Variants in H2BC4 observed in about 807,000 individuals in gnomAD.
The protein encoded by H2BC4 is H2B clustered histone 4.
A neutral mutation model predicts 6.2 loss-of-function variants in H2BC4; 10 were observed. The observed-to-expected ratio is 1.61, with a 90% CI of 0.99 to 2.73. H2BC4 has a LOEUF of 2.73. Ranked by LOEUF, H2BC4 falls within the 30% of genes most tolerant of loss-of-function variation. The pLI is 0.00. For missense variants in H2BC4, 176 were observed against 168.7 expected, an observed-to-expected ratio of 1.04 and a Z score of -0.24; for synonymous variants, 146 against 70.7, an observed-to-expected ratio of 2.07 and a Z score of -5.35.
chr6:26,119,691 T>C (rs747187483), downstream of H2BC4, among the ~76,000 whole-genome samples: 8 of 151,964 alleles, frequency 5.3e-5, no homozygotes, highest in Admixed American at 3.3e-4. Flanking sequence ...CTTTTGTTTT[T>C]GTTTTTTAGA....
chr6:26,119,786 G>T (rs1487239921), downstream of H2BC4, among the ~76,000 whole-genome samples: 1 of 132,470 alleles, frequency 7.5e-6, no homozygotes, highest in Non-Finnish European at 1.6e-5. Flanking sequence ...TTTTTAAAAT[G>T]AAATTATTAA....
chr6:26,118,606 G>C (rs1263152648), downstream of H2BC4, among the ~76,000 whole-genome samples: 4 of 152,106 alleles, frequency 2.6e-5, no homozygotes, highest in African/African-American at 9.7e-5. Context: ...ATGGAGAAAA[G>C]GACAAAACAG....
rs764641345 is a variant in H2BC4, at chr6:26,123,498, G to C, written c.*26C>G. 4.3e-6 allele frequency: 7 copies of C among 1,614,022 alleles called. No homozygotes were observed. The highest frequency in any genetic ancestry group is 2.2e-5 in the East Asian group (1 of 44,884). ...GCTCTTAAAAGAGCCTTTGGGGTTA[G>C]GTGTTAAGACGCTTACTTGGAATGT... On this transcript the variant is annotated 3_prime_UTR_variant, in exon 1 of 1. Transcript: ENST00000396984.
At chr6:26,113,961 C>T (rs1763389310), downstream of H2BC4, among the ~76,000 whole-genome samples, 1 of 151,948 alleles carries the variant, frequency 6.6e-6, no homozygotes, top group Non-Finnish European at 1.5e-5. Context: ...AGTTAGGAAC[C>T]CATCCTAATG....
At chr6:26,117,960 C>A (rs187540040) in intron 1 of H2BC4, among the ~76,000 whole-genome samples, 7 of 152,304 alleles carry the variant, frequency 4.6e-5, no homozygotes, top group Non-Finnish European at 5.9e-5. Context: ...TTAAGATTGG[C>A]TGTGCAGCAC....
downstream of H2BC4, among the ~76,000 whole-genome samples, chr6:26,119,125 T>C (rs1048894475): frequency 2.6e-5 from 4 of 151,972 alleles, no homozygotes; most frequent in African/African-American, 7.3e-5. Flanking sequence ...GGATTAACCA[T>C]AGCCCTTAAA....
At chr6:26,114,865 AAGAAT>A (rs1489348891), downstream of H2BC4, 1 of 151,994 alleles carries the variant, frequency 6.6e-6, no homozygotes, top group Non-Finnish European at 1.5e-5. Context: ...TACATATAAA[AAGAAT>A]AGGAGATACT....
chr6:26,123,863 G>T lies in H2BC4; in HGVS notation c.42C>A (p.Gly14=), dbSNP rs1020393846. The change falls in exon 1 of 1, where the codon GGC becomes GGA. Residue 14 remains glycine, a synonymous_variant. Coordinates refer to ENST00000396984, the MANE Select transcript of H2BC4 (RefSeq NM_003526.3). Reference sequence around the variant, plus strand: ...GCGCTTTGGTCACTGCCTTCTTGGAGCCCTTCTTCGGGGCGGGAGCAGACT... The same window carrying T: ...GCGCTTTGGTCACTGCCTTCTTGGATCCCTTCTTCGGGGCGGGAGCAGACT... ...PAKSAPAPKK[G]SKKAVTKAQK... 1.2e-6 allele frequency: 2 copies of T among 1,614,228 alleles called. No homozygotes were observed. The highest frequency in any genetic ancestry group is 2.2e-5 in the South Asian group (2 of 91,088).
chr6:26,120,031 T>C (rs946681027), downstream of H2BC4, among the ~76,000 whole-genome samples: 3 of 150,466 alleles, frequency 2.0e-5, no homozygotes, highest in Non-Finnish European at 4.4e-5. Flanking sequence ...AAATTTTTGA[T>C]TTTTTTTTAG....
At position 26,123,596 on chromosome 6, in the gene H2BC4, A is replaced by C. The variant is rs1763549804; in HGVS notation, c.309T>G (p.Leu103=). Residue 103 remains leucine (L), a synonymous_variant, in exon 1 of 1, where the codon CTT becomes CTG. Coordinates refer to ENST00000396984, the MANE Select transcript of H2BC4 (RefSeq NM_003526.3). The stretch of plus-strand genomic sequence containing the variant: ...CGGCGTGCTTGGCCAGCTCTCCGGG[A>C]AGCAGCAGGCGCACGGCCGTCTGGA... The part of the protein sequence containing the change: ...REIQTAVRLL[L]PGELAKHAVS... The C allele has an allele frequency of 6.2e-7, 1 of 1,614,102 alleles. No homozygotes were observed. The highest frequency in any genetic ancestry group is 1.3e-5 in the African/African-American group (1 of 74,946).
downstream of H2BC4, among the ~76,000 whole-genome samples, chr6:26,114,515 G>A (rs1240722785): frequency 1.3e-5 from 2 of 152,040 alleles, no homozygotes; most frequent in African/African-American, 2.4e-5. Context: ...ATCCTGAATA[G>A]CAATTTGGCA....
downstream of H2BC4, among the ~76,000 whole-genome samples, chr6:26,121,541 T>G (rs915637320): frequency 2.6e-5 from 4 of 152,148 alleles, no homozygotes; most frequent in African/African-American, 9.7e-5. Flanking sequence ...AATAATTTGC[T>G]TACTGGGTAC....
chr6:26,118,127 A>T (rs1763448089), intron 1 of H2BC4, among the ~76,000 whole-genome samples: 2 of 152,136 alleles, frequency 1.3e-5, no homozygotes, highest in African/African-American at 4.8e-5. Context: ...GAGTTTGTTT[A>T]GTTTTTTGTT....
chr6:26,122,543 T>C (rs772758828), downstream of H2BC4, among the ~76,000 whole-genome samples: 14 of 151,936 alleles, frequency 9.2e-5, no homozygotes, highest in African/African-American at 1.5e-4. Flanking sequence ...GAAGGGAGAG[T>C]CCTCTAGGAG....
At position 26,123,517 on chromosome 6, in the gene H2BC4, G is replaced by A. The variant is rs952974062; in HGVS notation, c.*7C>T. On this transcript the variant is annotated 3_prime_UTR_variant, in exon 1 of 1. Coordinates refer to ENST00000396984, the MANE Select transcript of H2BC4 (RefSeq NM_003526.3). Reference sequence around the variant, plus strand: ...GGGTTAGGTGTTAAGACGCTTACTTGGAATGTTTACTTGGAGCTGGTGTAC... The same window carrying A: ...GGGTTAGGTGTTAAGACGCTTACTTAGAATGTTTACTTGGAGCTGGTGTAC... The A allele has an allele frequency of 2.5e-6, 4 of 1,614,194 alleles. No homozygotes were observed. The highest frequency in any genetic ancestry group is 3.4e-6 in the Non-Finnish European group (4 of 1,180,038).
At chr6:26,115,116 C>G (rs1763402782) in exon 2 of H2BC4, 1 of 152,066 alleles carries the variant, frequency 6.6e-6, no homozygotes, top group African/African-American at 2.4e-5. Context: ...AAAGATATGT[C>G]TAAAAGCTGT....
Position 26,123,836 on chromosome 6 carries a change from C to G in H2BC4, c.69G>C (p.Gln23His), listed in dbSNP as rs767971061. The G allele has an allele frequency of 5.6e-6, 9 of 1,614,276 alleles. No homozygotes were observed. In the Middle Eastern group the frequency reaches 1.2e-3, roughly 207 times the overall value. ...GCTTGCGCTTCTTGCCATCTTTCTT[C>G]TGCGCTTTGGTCACTGCCTTCTTGG... ...KGSKKAVTKA[Q>H]KKDGKKRKRS... The change falls in exon 1 of 1, where the codon CAG (glutamine) becomes CAC (histidine). Residue 23 changes from glutamine (Q) to histidine (H), a missense_variant. By Grantham distance (24) the Gln-to-His change is conservative (BLOSUM62 0). Coordinates refer to ENST00000396984, the MANE Select transcript of H2BC4 (RefSeq NM_003526.3).
intron 1 of H2BC4, among the ~76,000 whole-genome samples, chr6:26,115,593 C>T (rs1028525017): frequency 2.0e-5 from 3 of 152,226 alleles, no homozygotes; most frequent in Admixed American, 2.0e-4. Context: ...CGACGAAGGC[C>T]AGGCCGTGGG....
chr6:26,120,704 A>G (rs1009225864), downstream of H2BC4, among the ~76,000 whole-genome samples: 3 of 152,174 alleles, frequency 2.0e-5, no homozygotes, highest in African/African-American at 7.2e-5. Flanking sequence ...ATCCCTTACA[A>G]TAAACTCGTT....
Sources: gnomAD v4.1 joint callset for allele counts (sites outside exome capture counted in the v4.1 genomes callset) on GRCh38, gnomAD v4.1.1 for gene constraint, MANE v1.5 for transcripts, NCBI Gene and HGNC (gene_info 2026-07-23, HGNC 2026-07-21) for gene names.